Variants in BNC1 observed in about 807,000 individuals in gnomAD.
BNC1 encodes the protein zinc finger protein basonuclin-1.
BNC1 carries 8 observed loss-of-function variants against 66.5 expected under a neutral mutation model. That is an observed-to-expected ratio of 0.12 (90% CI 0.07 to 0.22). BNC1 has a LOEUF of 0.22. Ranked by LOEUF, BNC1 falls within the 10% of genes least tolerant of loss-of-function variation. BNC1 has a pLI of 1.00. For missense variants in BNC1, 1,069 were observed against 1,241.3 expected (o/e 0.86, Z 2.09); for synonymous variants, 454 against 452.6 (o/e 1.00, Z -0.04).
chr15:83,269,608 T>G (rs1010490883), intron 1 of BNC1, among the ~76,000 whole-genome samples: 9 of 152,132 alleles, frequency 5.9e-5, no homozygotes, highest in Admixed American at 5.9e-4. Context: ...AGTCTCCACT[T>G]AAAAATTGGT....
At chr15:83,269,877 A>G (rs1021897559) in intron 1 of BNC1, among the ~76,000 whole-genome samples, 2 of 152,234 alleles carry the variant, frequency 1.3e-5, no homozygotes, top group African/African-American at 4.8e-5. Context: ...ACTCAATTGA[A>G]TACTACTGAA....
In BNC1 at chr15:83,263,496, G is replaced by A; in HGVS notation, c.1755C>T (p.His585=). The change falls in exon 4 of 5, where the codon CAC becomes CAT. Residue 585 remains histidine (H), a synonymous_variant. Transcript: ENST00000345382. ...GTACATGCTGCTCCTCAGATACTCT[G>A]TGTGACTGAGGACTGCAGGCCTCCT... is the stretch of plus-strand genomic sequence containing the variant. ...DEQEACSPQS[H]RVSEEQHVQS... is the part of the protein sequence containing the mutation. 6.2e-7 allele frequency: 1 copy of A among 1,614,214 alleles called. No individual in the cohort carries two copies. The highest frequency in any genetic ancestry group is 1.1e-5 in the South Asian group (1 of 91,080).
intron 3 of BNC1, among the ~76,000 whole-genome samples, chr15:83,265,671 G>C (rs2151436500): frequency 6.6e-6 from 1 of 152,278 alleles, no homozygotes; most frequent in East Asian, 1.9e-4. Flanking sequence ...TCCTGCACTA[G>C]AGGTGAGCAA....
chr15:83,259,596 T>C (rs1385343121), intron 4 of BNC1, among the ~76,000 whole-genome samples: 2 of 152,170 alleles, frequency 1.3e-5, no homozygotes, highest in Non-Finnish European at 2.9e-5. Flanking sequence ...TTGAAGGGGC[T>C]GGTATGTGCC....
intron 4 of BNC1, among the ~76,000 whole-genome samples, chr15:83,259,343 G>C (rs2038117590): frequency 6.6e-6 from 1 of 152,206 alleles, no homozygotes; most frequent in South Asian, 2.1e-4. Flanking sequence ...GTATGGCAGA[G>C]TCAAGTTGGG....
chr15:83,276,743 C>T (rs560184237), intron 1 of BNC1, among the ~76,000 whole-genome samples: 6 of 152,294 alleles, frequency 3.9e-5, no homozygotes, highest in Admixed American at 3.3e-4. Context: ...GAGGCAATAC[C>T]GAGGTCATGC....
chr15:83,280,759 G>A (rs1420234806), intron 1 of BNC1, among the ~76,000 whole-genome samples: 1 of 152,184 alleles, frequency 6.6e-6, no homozygotes, highest in Non-Finnish European at 1.5e-5. Context: ...TGAGGTTTGA[G>A]TATTTGGTAG....
At chr15:83,276,882 C>T (rs948195824) in intron 1 of BNC1, among the ~76,000 whole-genome samples, 10 of 152,162 alleles carry the variant, frequency 6.6e-5, no homozygotes, top group African/African-American at 2.2e-4. Flanking sequence ...GTAAAAACCA[C>T]GTGGAAAATG....
At chr15:83,282,888 C>T (rs1355604775) in intron 1 of BNC1, among the ~76,000 whole-genome samples, 3 of 152,190 alleles carry the variant, frequency 2.0e-5, no homozygotes, top group African/African-American at 4.8e-5. Context: ...TCTCTCTCTC[C>T]CTGACAGGGA....
chr15:83,274,738 AC>A (rs1459017592), intron 1 of BNC1, among the ~76,000 whole-genome samples: 3 of 152,218 alleles, frequency 2.0e-5, no homozygotes, highest in Non-Finnish European at 2.9e-5. Flanking sequence ...CATGTGAGAT[AC>A]TGTACTAATC....
chr15:83,268,307 CAT>C, intron 1 of BNC1, 75 bp from the exon 2 acceptor site: 1 of 1,306,782 alleles, frequency 7.7e-7, no homozygotes, highest in South Asian at 1.2e-5. Context: ...TCAAACAAAA[CAT>C]ATTCCTCCAT....
chr15:83,270,121 A>C (rs1243606270), intron 1 of BNC1, among the ~76,000 whole-genome samples: 2 of 152,180 alleles, frequency 1.3e-5, no homozygotes, highest in African/African-American at 4.8e-5. Context: ...AGTTGGAGGG[A>C]GTGTGTTCTT....
At chr15:83,281,171 A>G (rs937830321) in intron 1 of BNC1, among the ~76,000 whole-genome samples, 7 of 152,236 alleles carry the variant, frequency 4.6e-5, no homozygotes, top group African/African-American at 1.7e-4. Flanking sequence ...ATGGTGCCAC[A>G]GTGGAAGCTT....
chr15:83,257,479 T>G lies in BNC1; in HGVS notation c.2948A>C (p.His983Pro), dbSNP rs2038087624. The G allele has an allele frequency of 1.2e-6, 2 of 1,614,182 alleles. No individual in the cohort carries two copies. Among genetic ancestry groups the G allele is most frequent in the Non-Finnish European group, 1.7e-6 (2 of 1,180,016 alleles). The change falls in exon 5 of 5, where the codon CAC becomes CCC. Residue 983 changes from histidine to proline, a missense_variant. This residue lies in a region of BNC1 where 657 missense variants were observed against 715.8 expected (regional missense o/e 0.92). Transcript: ENST00000345382. ...RNRHSQNPNLHKSLASSPSHL... is the reference protein window; with the variant it reads ...RNRHSQNPNLPKSLASSPSHL... ...ACTTGGAGATGAGGCCAGGCTTTTG[T>G]GCAGGTTGGGATTCTGGCTGTGTCT... is the stretch of plus-strand genomic sequence containing the variant.
At chr15:83,269,468 A>T (rs930595305) in intron 1 of BNC1, among the ~76,000 whole-genome samples, 2 of 152,008 alleles carry the variant, frequency 1.3e-5, no homozygotes, top group Non-Finnish European at 2.9e-5. Flanking sequence ...GAGGAGGGAT[A>T]AAAAAGCCTT....
intron 1 of BNC1, among the ~76,000 whole-genome samples, chr15:83,272,178 G>A (rs1340392526): frequency 6.6e-6 from 1 of 152,044 alleles, no homozygotes; most frequent in Non-Finnish European, 1.5e-5. Context: ...ATTTTAAAAG[G>A]GAGAAAAGTT....
chr15:83,258,118 G>A lies in BNC1; in HGVS notation c.2309C>T (p.Ser770Leu), dbSNP rs1243617512. 3 of 1,599,436 alleles carry A rather than the reference G, an allele frequency of 1.9e-6. No individual in the cohort carries two copies. The South Asian group carries it at 3.3e-5, about 18-fold the overall frequency. Residue 770 changes from serine (S) to leucine (L), a missense_variant, in exon 5 of 5, where the codon TCA becomes TTA. Physicochemically the swap from Ser to Leu is moderately radical, Grantham distance 145. Coordinates refer to ENST00000345382, the MANE Select transcript of BNC1 (RefSeq NM_001717.4). ...PSRRSRDRHS[S>L]NLNLHQKALS... ...TGCTTTTTGGTGGAGGTTTAGGTTT[G>A]AGCTGTGTCTACAAGAGTGAAAAGA...
chr15:83,259,243 C>A (rs1427342524), intron 4 of BNC1, among the ~76,000 whole-genome samples: 2 of 152,098 alleles, frequency 1.3e-5, no homozygotes, highest in African/African-American at 4.8e-5. Context: ...TTTTGACAAG[C>A]AAAAGTCCTT....
intron 1 of BNC1, among the ~76,000 whole-genome samples, 186 bp downstream of exon 1, chr15:83,284,344 G>A (rs1047297854): frequency 1.3e-4 from 20 of 151,820 alleles, no homozygotes; most frequent in African/African-American, 4.6e-4. Context: ...CCCCCCCGCC[G>A]CCGCCTCCCG....
Sources: allele counts gnomAD v4.1 joint callset (sites outside exome capture counted in the v4.1 genomes callset), GRCh38; gene constraint gnomAD v4.1.1; regional missense constraint gnomAD v4.1.1; transcripts MANE v1.5; gene names NCBI Gene and HGNC (gene_info 2026-07-23, HGNC 2026-07-21).